INSL6: variants seen among roughly 807,000 people sequenced by gnomAD.
The protein encoded by INSL6 is insulin like 6, also known as insulin-like peptide INSL6.
In INSL6, 16 loss-of-function variants were observed where a neutral mutation model predicts 9.4. The observed-to-expected ratio is 1.70, with a 90% confidence interval of 1.15 to 2.59. The LOEUF (loss-of-function observed/expected upper bound fraction) is 2.59, where lower values mean the gene tolerates loss of function less well. Ranked by LOEUF, INSL6 falls within the 30% of genes most tolerant of loss-of-function variation. The pLI, the probability that INSL6 is intolerant of heterozygous loss-of-function variation, is 0.00. For synonymous variants in INSL6, 154 were observed against 96.9 expected (o/e 1.59, Z -3.46); for missense variants, 391 against 257.3 (o/e 1.52, Z -3.56).
At chr9:5,004,744 C>G in the INSL6 span, among the ~76,000 whole-genome samples, 1 of 151,924 alleles carries the variant, frequency 6.6e-6, no homozygotes, top group Non-Finnish European at 1.5e-5. Context: ...ATTTTCCCAC[C>G]AAGAGTATAC....
chr9:5,114,447 A>G, the INSL6 span: 313 of 477,742 alleles, frequency 6.6e-4, no homozygotes, highest in Non-Finnish European at 2.1e-5. Flanking sequence ...GGTGACCCAC[A>G]CCCACCTGCA....
chr9:5,181,177 C>T (rs751502993), intron 1 of INSL6, among the ~76,000 whole-genome samples: 2 of 151,956 alleles, frequency 1.3e-5, no homozygotes, highest in Non-Finnish European at 2.9e-5. Context: ...AAAAGAAATT[C>T]AATAAGCATA....
downstream of INSL6, among the ~76,000 whole-genome samples, chr9:5,119,540 G>A (rs557214727): frequency 3.2e-4 from 48 of 152,032 alleles, no homozygotes; most frequent in African/African-American, 1.1e-3. Flanking sequence ...TATATATCTG[G>A]CATAATTAAT....
At chr9:5,021,995 T>A in the INSL6 span, 1 of 1,612,602 alleles carries the variant, frequency 6.2e-7, no homozygotes, top group Non-Finnish European at 8.5e-7. Context: ...TGCATGGGAA[T>A]GGCCTGCCTT....
At chr9:5,153,476 A>G (rs1824754075) in intron 2 of INSL6, among the ~76,000 whole-genome samples, 1 of 152,224 alleles carries the variant, frequency 6.6e-6, no homozygotes, top group Non-Finnish European at 1.5e-5. Context: ...CACCGTGGAA[A>G]GACTGCCTCA....
At chr9:5,036,188 C>G in the INSL6 span, among the ~76,000 whole-genome samples, 1 of 152,120 alleles carries the variant, frequency 6.6e-6, no homozygotes, top group African/African-American at 2.4e-5. Flanking sequence ...AGGACCTCTT[C>G]AAGGAGAACT....
exon 4 of INSL6, among the ~76,000 whole-genome samples, chr9:5,123,952 C>T (rs1823804971): frequency 6.8e-6 from 1 of 147,348 alleles, no homozygotes; most frequent in African/African-American, 2.5e-5. Flanking sequence ...ATTTGCATTT[C>T]TCTGGTGATT....
At chr9:5,070,006 T>G in the INSL6 span, 1 of 1,608,976 alleles carries the variant, frequency 6.2e-7, no homozygotes, top group South Asian at 1.1e-5. Context: ...CCTACTCATA[T>G]GAACCAAATG....
At chr9:5,176,044 C>T (rs1014694039) in intron 1 of INSL6, among the ~76,000 whole-genome samples, 2 of 152,104 alleles carry the variant, frequency 1.3e-5, no homozygotes, top group African/African-American at 2.4e-5. Flanking sequence ...GATTACTGGC[C>T]TAAAATACCC....
chr9:5,181,040 T>C (rs888773157), intron 1 of INSL6, among the ~76,000 whole-genome samples: 2 of 152,196 alleles, frequency 1.3e-5, no homozygotes, highest in African/African-American at 4.8e-5. Flanking sequence ...AAAATTCCTT[T>C]CTTTGTACTC....
At chr9:5,097,330 G>A in the INSL6 span, 2 of 152,112 alleles carry the variant, frequency 1.3e-5, no homozygotes, top group Admixed American at 6.6e-5. Flanking sequence ...TGCTGGTGGG[G>A]GTGATCCTAT....
chr9:5,113,878 G>A, the INSL6 span: 5 of 210,300 alleles, frequency 2.4e-5, no homozygotes, highest in African/African-American at 7.0e-5. Flanking sequence ...CCTCCCCACC[G>A]TGAAGATCTT....
At chr9:5,073,189 T>C in the INSL6 span, among the ~76,000 whole-genome samples, 3 of 152,366 alleles carry the variant, frequency 2.0e-5, no homozygotes, top group African/African-American at 4.8e-5. Context: ...TACCACAGTA[T>C]TGGTGATTGT....
chr9:5,087,889 C>T, the INSL6 span, among the ~76,000 whole-genome samples: 2 of 152,042 alleles, frequency 1.3e-5, no homozygotes, highest in Non-Finnish European at 2.9e-5. Flanking sequence ...TCTTAGTGTA[C>T]ATTTATGTTT....
intron 1 of INSL6, among the ~76,000 whole-genome samples, chr9:5,183,486 ATAATACT>A (rs1825502526): frequency 6.6e-6 from 1 of 152,212 alleles, no homozygotes; most frequent in African/African-American, 2.4e-5. Flanking sequence ...GGGAGTGTGA[ATAATACT>A]TAAAACAAAA....
At chr9:5,089,525 G>A in the INSL6 span, 1,145 of 350,968 alleles carry the variant, frequency 3.3e-3, 7 homozygotes, top group Admixed American at 6.5e-3. Context: ...GTGACAGAGC[G>A]AGACTTCGTC....
At chr9:5,128,312 A>G (rs1244676061) in intron 3 of INSL6, 1 of 223,066 alleles carries the variant, frequency 4.5e-6, no homozygotes, top group Non-Finnish European at 9.0e-6. Context: ...AAAGCATTTT[A>G]ATAGTTCTGG....
chr9:5,021,951 TTTCTC>T, the INSL6 span: 4 of 1,509,120 alleles, frequency 2.7e-6, no homozygotes, highest in Non-Finnish European at 2.8e-6. Flanking sequence ...ACTTTATTGT[TTTCTC>T]TTACAGGCAA....
intron 2 of INSL6, among the ~76,000 whole-genome samples, chr9:5,138,031 G>T (rs1248158787): frequency 6.6e-6 from 1 of 152,176 alleles, no homozygotes; most frequent in Non-Finnish European, 1.5e-5. Context: ...ACCACAATGA[G>T]ATATCATCTC....
Sources: allele counts gnomAD v4.1 joint callset (sites outside exome capture counted in the v4.1 genomes callset), GRCh38; gene constraint gnomAD v4.1.1; transcripts MANE v1.5; gene names NCBI Gene and HGNC (gene_info 2026-07-23, HGNC 2026-07-21).